ATRNL1: variants seen among roughly 807,000 people sequenced by gnomAD.
ATRNL1 encodes attractin-like protein 1.
A neutral mutation model predicts 182.7 loss-of-function variants in ATRNL1; 95 were observed. The ratio of observed to expected loss-of-function variants is 0.52; its 90% CI spans 0.44 to 0.62. ATRNL1 has a LOEUF of 0.62. ATRNL1 is among the 20% of genes least tolerant of loss of function. The pLI, the probability that ATRNL1 is intolerant of heterozygous loss-of-function variation, is 0.00. For synonymous variants in ATRNL1, 576 were observed against 568.3 expected, an observed-to-expected ratio of 1.01 and a Z score of -0.19; for missense variants, 1,471 against 1,679.5, an observed-to-expected ratio of 0.88 and a Z score of 2.17.
chr10:115,381,507 A>C (rs1858006233), intron 19 of ATRNL1, among the ~76,000 whole-genome samples: 1 of 147,020 alleles, frequency 6.8e-6, no homozygotes, highest in Non-Finnish European at 1.5e-5. Context: ...TCCTGACCTC[A>C]GGTGATCCGC....
chr10:115,366,031 G>C (rs567505536), intron 19 of ATRNL1, among the ~76,000 whole-genome samples: 2 of 152,178 alleles, frequency 1.3e-5, no homozygotes, highest in South Asian at 4.2e-4. Flanking sequence ...ATGTCTATTA[G>C]GTCCACTTGG....
At chr10:115,153,258 T>C (rs1343968692) in intron 5 of ATRNL1, among the ~76,000 whole-genome samples, 2 of 152,190 alleles carry the variant, frequency 1.3e-5, no homozygotes, top group African/African-American at 4.8e-5. Context: ...GATTCCCTCT[T>C]TTTCTATTGG....
chr10:115,403,257 C>CTTTTTTTTTTTTTTTTTTTTTTTTTT lies in ATRNL1; in HGVS notation c.3269+8524_3269+8525insTTTTTTTTTTTTTTTTTTTTTTTTTT, dbSNP rs59256867. Among the ~76,000 whole-genome samples the CTTTTTTTTTTTTTTTTTTTTTTTTTT allele has an allele frequency of 2.5e-4, 27 of 107,430 alleles. 2 individuals carry two copies. The highest frequency in any genetic ancestry group is 1.3e-3 in the African/African-American group (26 of 20,390). 70.5% of individuals were successfully genotyped at this position (107,430 alleles called of 152,430 possible). On this transcript the variant is annotated intron_variant, in intron 20 of 28. Transcript: ENST00000355044. Reference sequence around the variant, plus strand: ...CTTTATTTTTCCTAATTACTCTCATCTTTTTTTTTTTTTTTTTTTAGTCTG... The same window carrying CTTTTTTTTTTTTTTTTTTTTTTTTTT: ...CTTTATTTTTCCTAATTACTCTCATCTTTTTTTTTTTTTTTTTTTTTTTTTTTTTTTTTTTTTTTTTTTTTAGTCTG...
At chr10:115,252,870 A>G (rs576068428) in intron 10 of ATRNL1, among the ~76,000 whole-genome samples, 34 of 152,230 alleles carry the variant, frequency 2.2e-4, no homozygotes, top group African/African-American at 6.7e-4. Flanking sequence ...CACTCCTGCT[A>G]TACTATTCCC....
chr10:115,622,058 TTAC>T (rs1555023154), intron 26 of ATRNL1, among the ~76,000 whole-genome samples: 2 of 152,144 alleles, frequency 1.3e-5, no homozygotes, highest in African/African-American at 4.8e-5. Context: ...TTCTTAAGAA[TTAC>T]TGCTTTTTTC....
At chr10:115,228,988 A>C (rs1849816043) in intron 9 of ATRNL1, among the ~76,000 whole-genome samples, 1 of 151,892 alleles carries the variant, frequency 6.6e-6, no homozygotes, top group Non-Finnish European at 1.5e-5. Flanking sequence ...GCTGGTCTCG[A>C]ACTCCTGGCC....
rs143641913 is a variant in ATRNL1, at chr10:115,767,782, T to A, written c.3903+40427T>A. 2.3e-4 allele frequency among the ~76,000 whole-genome samples: 35 copies of A among 152,302 alleles called. No individual in the cohort carries two copies. The East Asian group carries it at 6.6e-3, about 29-fold the overall frequency. On this transcript the variant is annotated intron_variant, in intron 27 of 28. Transcript: ENST00000355044. ...TTTTATCACTTCACTCTCATTGTTATTGGTCAGTTTAACTTAATGTATCAT... is the reference window on the plus strand; with the variant it reads ...TTTTATCACTTCACTCTCATTGTTAATGGTCAGTTTAACTTAATGTATCAT...
chr10:115,642,706 A>G (rs1177666562), intron 26 of ATRNL1, among the ~76,000 whole-genome samples: 1 of 152,166 alleles, frequency 6.6e-6, no homozygotes, highest in African/African-American at 2.4e-5. Flanking sequence ...TGGCCTCCCA[A>G]AGTGCTGGGA....
intron 20 of ATRNL1, among the ~76,000 whole-genome samples, chr10:115,408,247 C>T (rs1190531718): frequency 6.6e-6 from 1 of 151,942 alleles, no homozygotes; most frequent in Non-Finnish European, 1.5e-5. Flanking sequence ...TCATGATCCA[C>T]CCGCCTCGGC....
At chr10:115,521,460 A>C (rs1850931246) in intron 25 of ATRNL1, among the ~76,000 whole-genome samples, 1 of 152,182 alleles carries the variant, frequency 6.6e-6, no homozygotes, top group South Asian at 2.1e-4. Context: ...GTCTAAAAAA[A>C]ACTTTTTGAT....
At chr10:115,363,501 G>C in intron 19 of ATRNL1, among the ~76,000 whole-genome samples, 1 of 145,824 alleles carries the variant, frequency 6.9e-6, no homozygotes, top group Non-Finnish European at 1.5e-5. Flanking sequence ...TTCTTTTGCT[G>C]TGCAGAAGCT....
intron 21 of ATRNL1, among the ~76,000 whole-genome samples, chr10:115,434,052 T>C (rs1429438242): frequency 6.6e-6 from 1 of 152,140 alleles, no homozygotes; most frequent in Non-Finnish European, 1.5e-5. Flanking sequence ...GCCAGAGGTA[T>C]ATAGTTCTTT....
intron 25 of ATRNL1, among the ~76,000 whole-genome samples, chr10:115,535,218 C>A (rs569127427): frequency 6.6e-6 from 1 of 152,130 alleles, no homozygotes; most frequent in Admixed American, 6.5e-5. Flanking sequence ...AACTTGGCTC[C>A]ATTCTCCCCG....
At chr10:115,324,151 G>A (rs1554932463) in intron 18 of ATRNL1, among the ~76,000 whole-genome samples, 1 of 151,868 alleles carries the variant, frequency 6.6e-6, no homozygotes, top group African/African-American at 2.4e-5. Flanking sequence ...TTTTTATGGT[G>A]TTTTTGAATT....
intron 26 of ATRNL1, among the ~76,000 whole-genome samples, chr10:115,661,803 A>G (rs4751922): frequency 1.3e-5 from 2 of 151,900 alleles, no homozygotes; most frequent in Non-Finnish European, 2.9e-5. Context: ...TAAGTTTTAG[A>G]GTACATGTGC....
intron 28 of ATRNL1, among the ~76,000 whole-genome samples, chr10:115,940,184 C>T (rs978405215): frequency 6.6e-6 from 1 of 152,106 alleles, no homozygotes; most frequent in Non-Finnish European, 1.5e-5. Flanking sequence ...AGGCCGTTAG[C>T]TTGTGGGAGC....
chr10:115,284,285 G>C (rs1042676275), intron 14 of ATRNL1, among the ~76,000 whole-genome samples: 2 of 152,094 alleles, frequency 1.3e-5, no homozygotes, highest in African/African-American at 4.8e-5. Context: ...ATTTGTCAAT[G>C]AACTATTTTT....
intron 28 of ATRNL1, among the ~76,000 whole-genome samples, chr10:115,915,239 T>C (rs1450051262): frequency 2.0e-5 from 3 of 151,916 alleles, no homozygotes; most frequent in African/African-American, 7.2e-5. Context: ...CTACTAAAAA[T>C]ACAAAAAAAT....
At chr10:115,571,628 T>A in intron 26 of ATRNL1, among the ~76,000 whole-genome samples, 1 of 152,208 alleles carries the variant, frequency 6.6e-6, no homozygotes, top group Non-Finnish European at 1.5e-5. Flanking sequence ...TATTTTGCTA[T>A]AACTATTTTG....
Sources: allele counts gnomAD v4.1 joint callset (sites outside exome capture counted in the v4.1 genomes callset), GRCh38; gene constraint gnomAD v4.1.1; transcripts MANE v1.5; gene names NCBI Gene and HGNC (gene_info 2026-07-23, HGNC 2026-07-21).